The following TNR variants were observed in gnomAD, a reference collection of about 807,000 sequenced individuals.
TNR encodes tenascin R.
A neutral mutation model predicts 150.4 loss-of-function variants in TNR; 45 were observed. The ratio of observed to expected loss-of-function variants is 0.30; its 90% CI spans 0.24 to 0.38. TNR has a LOEUF of 0.38. Ranked by LOEUF, TNR falls within the 10% of genes least tolerant of loss-of-function variation. TNR has a pLI of 1.00. For synonymous variants in TNR, 687 were observed against 678.4 expected, an observed-to-expected ratio of 1.01 and a Z score of -0.20; for missense variants, 1,544 against 1,759.1, an observed-to-expected ratio of 0.88 and a Z score of 2.19.
At chr1:175,730,520 G>T (rs1190345504) in intron 1 of TNR, among the ~76,000 whole-genome samples, 1 of 152,190 alleles carries the variant, frequency 6.6e-6, no homozygotes, top group Non-Finnish European at 1.5e-5. Flanking sequence ...GCAGAGAGTA[G>T]ATCTTTAATA....
intron 2 of TNR, among the ~76,000 whole-genome samples, chr1:175,463,934 C>A (rs1308073151): frequency 6.6e-6 from 1 of 152,204 alleles, no homozygotes; most frequent in Non-Finnish European, 1.5e-5. Flanking sequence ...GTATATAAAG[C>A]AGAAGGCTGC....
In TNR at chr1:175,331,082, T is replaced by TTTCTTTCCTTC. The variant is rs1491352641; in HGVS notation, c.3632-848_3632-847insGAAGGAAAGAA. Among the ~76,000 whole-genome samples, 19 of 86,518 alleles carry TTTCTTTCCTTC rather than the reference T, an allele frequency of 2.2e-4. 1 individual carries two copies. The highest frequency in any genetic ancestry group is 4.1e-4 in the South Asian group (1 of 2,430). 56.8% of individuals were successfully genotyped at this position (86,518 alleles called of 152,430 possible). A position where few individuals can be genotyped will look rare whatever the true frequency, so the allele number is the denominator to read the frequency against. On this transcript the variant is annotated intron_variant, in intron 20 of 22. Transcript: ENST00000367674. ...CTTTCTTTCTTTCTTTCTTTCCTTC[T>TTTCTTTCCTTC]TTCTTTCTTTCTTTCTTTCTCTCTC...
chr1:175,472,696 G>A (rs1407415684), intron 2 of TNR, among the ~76,000 whole-genome samples: 1 of 152,186 alleles, frequency 6.6e-6, no homozygotes, highest in African/African-American at 2.4e-5. Flanking sequence ...TGTGCTGTAT[G>A]AATATTTACA....
rs574033970 is a variant in TNR, at chr1:175,554,364, T to C, written c.-164-25995A>G. ...CAAAAAAAAAAAAAAAAAAAAGATA[T>C]CCTTTCTTCATTTCTGACTTTTTAA... On this transcript the variant is annotated intron_variant, in intron 1 of 22. Coordinates refer to ENST00000367674, the MANE Select transcript of TNR (RefSeq NM_003285.3). Among the ~76,000 whole-genome samples, 14 of 147,664 alleles carry C rather than the reference T, an allele frequency of 9.5e-5. No individual in the cohort carries two copies. The East Asian group carries it at 1.0e-3, about 11-fold the overall frequency.
chr1:175,376,862 A>T (rs951982959), intron 9 of TNR, among the ~76,000 whole-genome samples: 4 of 113,756 alleles, frequency 3.5e-5, no homozygotes, highest in Non-Finnish European at 5.7e-5. Context: ...ATGTAATATT[A>T]TATATATATA....
chr1:175,671,891 G>C (rs1055176312), intron 1 of TNR, among the ~76,000 whole-genome samples: 1 of 147,162 alleles, frequency 6.8e-6, no homozygotes, highest in Non-Finnish European at 1.5e-5. Context: ...CCTTATCCAA[G>C]GGAGTCTTAT....
rs752030421 is a variant in TNR at position 175,386,069 on chromosome 1, G to A, written c.1740C>T (p.Thr580=). 1 of 1,606,044 alleles carries A rather than the reference G, an allele frequency of 6.2e-7. No homozygotes were observed. The highest frequency in any genetic ancestry group is 1.3e-5 in the African/African-American group (1 of 74,554). The change falls in exon 8 of 23, where the codon ACC becomes ACT. Residue 580 remains threonine (T), a synonymous_variant. Coordinates refer to ENST00000367674, the MANE Select transcript of TNR (RefSeq NM_003285.3). ...YEVSVSAVRG[T]NESDSATTQF... ...GAGTGGTGGCAGAATCGCTCTCGTT[G>A]GTCCCTCGGACGGCACTGACTGACA...
chr1:175,354,941 C>G (rs1482299438), intron 17 of TNR, among the ~76,000 whole-genome samples: 1 of 152,142 alleles, frequency 6.6e-6, no homozygotes, highest in Non-Finnish European at 1.5e-5. Flanking sequence ...GCTTCACTAA[C>G]AAAAACTTGA....
chr1:175,531,344 T>C (rs954347395), intron 1 of TNR, among the ~76,000 whole-genome samples: 1 of 152,166 alleles, frequency 6.6e-6, no homozygotes, highest in Non-Finnish European at 1.5e-5. Context: ...CCTAATGATA[T>C]CACACAAAGG....
chr1:175,587,350 G>A (rs1001951641), intron 1 of TNR, among the ~76,000 whole-genome samples: 14 of 152,194 alleles, frequency 9.2e-5, no homozygotes, highest in African/African-American at 2.9e-4. Flanking sequence ...TCTGAACCCA[G>A]CCACTCGCAT....
intron 1 of TNR, among the ~76,000 whole-genome samples, chr1:175,544,700 G>A (rs1384147384): frequency 2.0e-5 from 3 of 152,220 alleles, no homozygotes; most frequent in Non-Finnish European, 2.9e-5. Flanking sequence ...TATTTAGGAA[G>A]TGGGTTGAAC....
intron 1 of TNR, among the ~76,000 whole-genome samples, chr1:175,728,341 T>C (rs1458677137): frequency 6.6e-6 from 1 of 152,200 alleles, no homozygotes; most frequent in African/African-American, 2.4e-5. Context: ...GAAGGTACAA[T>C]TAATGACACT....
At chr1:175,713,689 A>T (rs2101938195) in intron 1 of TNR, among the ~76,000 whole-genome samples, 1 of 152,330 alleles carries the variant, frequency 6.6e-6, no homozygotes, top group Admixed American at 6.5e-5. Context: ...GAAAACAGGC[A>T]GGCAAAGGAA....
intron 1 of TNR, among the ~76,000 whole-genome samples, chr1:175,552,581 T>A (rs1471112765): frequency 6.6e-6 from 1 of 152,206 alleles, no homozygotes; most frequent in African/African-American, 2.4e-5. Context: ...GACTCCAAAC[T>A]ATCTGCTACT....
chr1:175,685,162 C>T (rs1372841993), intron 1 of TNR, among the ~76,000 whole-genome samples: 1 of 152,182 alleles, frequency 6.6e-6, no homozygotes, highest in Non-Finnish European at 1.5e-5. Context: ...ACTTTGTTCT[C>T]TCTGAGTTGC....
At chr1:175,388,389 G>A (rs1195886797) in intron 7 of TNR, among the ~76,000 whole-genome samples, 1 of 152,214 alleles carries the variant, frequency 6.6e-6, no homozygotes, top group East Asian at 1.9e-4. Flanking sequence ...TAGCGCAGAG[G>A]GTTTTAGCTG....
At chr1:175,453,919 T>C (rs961691013) in intron 2 of TNR, among the ~76,000 whole-genome samples, 1 of 152,134 alleles carries the variant, frequency 6.6e-6, no homozygotes, top group Non-Finnish European at 1.5e-5. Flanking sequence ...ATTTTAGCCA[T>C]ATTTCACCTT....
intron 1 of TNR, among the ~76,000 whole-genome samples, chr1:175,637,470 G>T (rs12082376): frequency 0.16 from 24,441 of 152,032 alleles, 2,655 homozygotes; most frequent in African/African-American, 0.31. Context: ...CTCTTCTTTG[G>T]ACTCATACCC....
chr1:175,367,318 A>G, intron 9 of TNR, 21 bp from the exon 10 acceptor site: 6 of 1,608,152 alleles, frequency 3.7e-6, no homozygotes, highest in Non-Finnish European at 5.1e-6. Flanking sequence ...ATGGAGAAAC[A>G]AACATTATTC....
Sources: allele counts gnomAD v4.1 joint callset (sites outside exome capture counted in the v4.1 genomes callset), GRCh38; gene constraint gnomAD v4.1.1; transcripts MANE v1.5; gene names NCBI Gene and HGNC (gene_info 2026-07-23, HGNC 2026-07-21).